The following C16orf89 variants were observed in gnomAD, a reference collection of about 807,000 sequenced individuals.
The protein encoded by C16orf89 is chromosome 16 open reading frame 89.
In C16orf89, 57 loss-of-function variants were observed where a neutral mutation model predicts 41.5. The observed-to-expected ratio is 1.38, with a 90% CI of 1.11 to 1.71. The LOEUF (loss-of-function observed/expected upper bound fraction) is 1.71, where lower values mean the gene tolerates loss of function less well. C16orf89 is among the 40% of genes most tolerant of loss of function. The pLI is 0.00. For synonymous variants in C16orf89, 223 were observed against 190.6 expected (o/e 1.17, Z -1.40); for missense variants, 575 against 445.9 (o/e 1.29, Z -2.61).
intron 6 of C16orf89, among the ~76,000 whole-genome samples, chr16:5,051,914 A>G (rs373077821): frequency 1.3e-5 from 2 of 152,098 alleles, no homozygotes; most frequent in Non-Finnish European, 2.9e-5. Flanking sequence ...AGCTTGGCCA[A>G]CATGTAGAAA....
At chr16:5,049,181 A>G (rs1166218557) in intron 6 of C16orf89, among the ~76,000 whole-genome samples, 1 of 152,252 alleles carries the variant, frequency 6.6e-6, no homozygotes, top group Non-Finnish European at 1.5e-5. Context: ...AAATATATGT[A>G]TTAAACACTG....
At chr16:5,064,345 G>A (rs1431528578) in intron 1 of C16orf89, among the ~76,000 whole-genome samples, 1 of 152,166 alleles carries the variant, frequency 6.6e-6, no homozygotes, top group Non-Finnish European at 1.5e-5. Context: ...AGGTGAGGAA[G>A]CCGTTGCTGC....
chr16:5,065,727 C>T lies in C16orf89; in HGVS notation c.182G>A (p.Gly61Asp), dbSNP rs544223100. 2 of 1,613,954 alleles carry T rather than the reference C, an allele frequency of 1.2e-6. No individual in the cohort carries two copies. The highest frequency in any genetic ancestry group is 1.1e-5 in the South Asian group (1 of 91,076). ...EQRLPEINLD[G>D]MVGVRVLEEQ... Reference sequence around the variant, plus strand: ...TTCCAGCACTCGGACCCCCACCATGCCATCCAGGTTGATTTCAGGCAGCCT... The same window carrying T: ...TTCCAGCACTCGGACCCCCACCATGTCATCCAGGTTGATTTCAGGCAGCCT... Residue 61 changes from glycine to aspartate, a missense_variant, in exon 1 of 8, where the codon GGC (glycine) becomes GAC (aspartate). By Grantham distance (94) the Gly-to-Asp change is moderately conservative (BLOSUM62 -1). Coordinates refer to ENST00000472572, the MANE Select transcript of C16orf89 (RefSeq NM_001098514.3).
At chr16:5,053,541 G>GTT (rs550610070) in intron 6 of C16orf89, among the ~76,000 whole-genome samples, 11 of 141,622 alleles carry the variant, frequency 7.8e-5, no homozygotes, top group African/African-American at 1.5e-4. Flanking sequence ...ACAATTTGTG[G>GTT]TTTTTTTTTT....
Position 5,056,000 on chromosome 16 carries a change from T to TGTGTGTGTGTGTGTGTGTG in C16orf89, c.763+52_763+53insCACACACACACACACACAC, listed in dbSNP as rs1956493569. On this transcript the variant is annotated intron_variant, in intron 5 of 7. Coordinates refer to ENST00000472572, the MANE Select transcript of C16orf89 (RefSeq NM_001098514.3). ...GTGTGTGTGTGTGTGTGTGTGTGTGTTGGTGGGGGGACACCCTGTTCCTTT... is the reference window on the plus strand; with the variant it reads ...GTGTGTGTGTGTGTGTGTGTGTGTGTGTGTGTGTGTGTGTGTGTGTGGTGGGGGGACACCCTGTTCCTTT... 9 of 1,103,402 alleles carry TGTGTGTGTGTGTGTGTGTG rather than the reference T, an allele frequency of 8.2e-6. No homozygotes were observed. In the East Asian group the frequency reaches 1.5e-4, roughly 18 times the overall value. The allele number at this position is 1,103,402 out of a possible 1,614,324, so 68.4% of individuals were successfully genotyped here. A position where few individuals can be genotyped will look rare whatever the true frequency, so the allele number is the denominator to read the frequency against.
At chr16:5,044,605 C>G in intron 7 of C16orf89, 127 bp from the exon 8 acceptor site, 3 of 1,504,168 alleles carry the variant, frequency 2.0e-6, no homozygotes, top group Non-Finnish European at 2.7e-6. Context: ...ACTTTGGGAG[C>G]CTGAGGTGGG....
At chr16:5,047,150 G>C (rs902830085) in intron 7 of C16orf89, among the ~76,000 whole-genome samples, 1 of 152,084 alleles carries the variant, frequency 6.6e-6, no homozygotes, top group African/African-American at 2.4e-5. Flanking sequence ...TCCTCTCTCT[G>C]TCTCCCCCTT....
Position 5,065,815 on chromosome 16 carries a change from T to C in C16orf89, c.94A>G (p.Lys32Glu), listed in dbSNP as rs1222728531. 1.9e-6 allele frequency: 3 copies of C among 1,614,082 alleles called. No individual in the cohort carries two copies. Residue 32 changes from lysine to glutamate, a missense_variant, in exon 1 of 8, where the codon AAA becomes GAA. Transcript: ENST00000472572. ...SLPGLDTAESKATIADLILSA... is the reference protein window; with the variant it reads ...SLPGLDTAESEATIADLILSA... ...AGGATCAGGTCTGCAATGGTGGCTT[T>C]ACTTTCAGCAGTGTCCAGCCCAGGC...
intron 7 of C16orf89, 156 bp from the exon 8 acceptor site, chr16:5,044,634 G>C (rs979031459): frequency 5.8e-6 from 8 of 1,388,622 alleles, no homozygotes; most frequent in Non-Finnish European, 7.8e-6. Context: ...TTGAGATCAG[G>C]AGTTCGAGAC....
At chr16:5,055,937 CCGTGTGTG>C (rs1956490740) in intron 5 of C16orf89, 108 bp downstream of exon 5, 1 of 1,107,520 alleles carries the variant, frequency 9.0e-7, no homozygotes, top group Non-Finnish European at 1.3e-6. Flanking sequence ...TCTGGCAACT[CCGTGTGTG>C]TGTGTGTGTG....
At chr16:5,060,502 G>A (rs1956595756) in intron 2 of C16orf89, 66 bp from the exon 3 acceptor site, 2 of 1,493,414 alleles carry the variant, frequency 1.3e-6, no homozygotes, top group African/African-American at 1.4e-5. Flanking sequence ...GGCCACCCTG[G>A]TGTCCCCACC....
intron 5 of C16orf89, chr16:5,055,803 G>A (rs1284849851): frequency 1.2e-5 from 18 of 1,444,406 alleles, no homozygotes; most frequent in African/African-American, 7.0e-5. Flanking sequence ...GATAAACAAT[G>A]AATATAATTT....
intron 3 of C16orf89, among the ~76,000 whole-genome samples, chr16:5,059,895 T>A (rs1956580644): frequency 7.5e-6 from 1 of 133,936 alleles, no homozygotes; most frequent in Non-Finnish European, 1.6e-5. Flanking sequence ...GCAGACTTCC[T>A]GAGGCCCAGG....
At chr16:5,059,737 A>G (rs964750012) in intron 3 of C16orf89, among the ~76,000 whole-genome samples, 8 of 152,222 alleles carry the variant, frequency 5.3e-5, no homozygotes, top group Admixed American at 3.3e-4. Context: ...CTCACTGGGG[A>G]TGGGGACAGG....
At chr16:5,055,159 G>T in intron 6 of C16orf89, 87 bp downstream of exon 6, 1 of 1,122,754 alleles carries the variant, frequency 8.9e-7, no homozygotes, top group Non-Finnish European at 1.3e-6. Flanking sequence ...TAACACCAAT[G>T]CATTGTTCCC....
chr16:5,057,515 C>G (rs1281449845), intron 4 of C16orf89, among the ~76,000 whole-genome samples: 1 of 148,298 alleles, frequency 6.7e-6, no homozygotes, highest in Admixed American at 6.8e-5. Flanking sequence ...ATATATTTTT[C>G]TTTTTCTATT....
In C16orf89 at chr16:5,064,357, A is replaced by C. The variant is rs1011147617; in HGVS notation, c.208+1344T>G. ...CACAGGTGAGGAAGCCGTTGCTGCTAGTCAAGGATGCTCAATGCTTTGATA... is the reference window on the plus strand; with the variant it reads ...CACAGGTGAGGAAGCCGTTGCTGCTCGTCAAGGATGCTCAATGCTTTGATA... On this transcript the variant is annotated intron_variant, in intron 1 of 7. Transcript: ENST00000472572. Among the ~76,000 whole-genome samples the C allele has an allele frequency of 2.0e-5, 3 of 152,202 alleles. No individual in the cohort carries two copies. The East Asian group carries it at 5.8e-4, about 29-fold the overall frequency.
intron 3 of C16orf89, among the ~76,000 whole-genome samples, chr16:5,060,021 G>A (rs1244152436): frequency 6.6e-6 from 1 of 152,086 alleles, no homozygotes; most frequent in Non-Finnish European, 1.5e-5. Flanking sequence ...AGGAATTGGG[G>A]ATTTGTCCTG....
rs371308738 is a variant in C16orf89, at chr16:5,051,824, G to T, written c.868+3422C>A. 2.6e-5 allele frequency among the ~76,000 whole-genome samples: 4 copies of T among 152,150 alleles called. No individual in the cohort carries two copies. The South Asian group carries it at 6.2e-4, about 24-fold the overall frequency. On this transcript the variant is annotated intron_variant, in intron 6 of 7. Transcript: ENST00000472572. The stretch of plus-strand genomic sequence containing the variant: ...GCTATAGGAAACAAAATATGGCCAG[G>T]TGCGGTGGCTGACGCCTATAATCCC...
Sources: gnomAD v4.1 joint callset for allele counts (sites outside exome capture counted in the v4.1 genomes callset) on GRCh38, gnomAD v4.1.1 for gene constraint, MANE v1.5 for transcripts, NCBI Gene and HGNC (gene_info 2026-07-23, HGNC 2026-07-21) for gene names.